The following MTM1 variants were observed in gnomAD, a reference collection of about 807,000 sequenced individuals.
MTM1 encodes myotubularin 1.
In MTM1, 9 loss-of-function variants were observed where a neutral mutation model predicts 52.1. The ratio of observed to expected loss-of-function variants is 0.17; its 90% CI spans 0.10 to 0.30. The LOEUF (loss-of-function observed/expected upper bound fraction) is 0.30. Among genes scored for constraint, MTM1 ranks in the 10% least tolerant of loss-of-function variants. MTM1 has a pLI of 1.00. For missense variants in MTM1, 277 were observed against 470.7 expected (o/e 0.59, Z 3.81); for synonymous variants, 136 against 163.8 (o/e 0.83, Z 1.29).
intron 9 of MTM1, among the ~76,000 whole-genome samples, chrX:150,647,066 T>C (rs1456958943): frequency 1.8e-5 from 2 of 110,530 alleles, no homozygotes; most frequent in East Asian, 5.6e-4. Context: ...GTAAGTTAAA[T>C]TGACAAGTAA....
intron 14 of MTM1, among the ~76,000 whole-genome samples, chrX:150,668,932 G>A (rs1221360950): frequency 1.8e-5 from 2 of 110,000 alleles, no homozygotes; most frequent in East Asian, 5.7e-4. Flanking sequence ...AAAGGGTGGG[G>A]GGATACATGT....
At chrX:150,662,385 G>A (rs144775063) in intron 13 of MTM1, among the ~76,000 whole-genome samples, 6,683 of 111,402 alleles carry the variant, frequency 0.06, 163 homozygotes, top group Non-Finnish European at 0.078. Context: ...GTGCTGTGGC[G>A]CGATCACGGC....
rs1052238968 is a variant in MTM1, at chrX:150,653,758, T to C, written c.1053+3857T>C. Among the ~76,000 whole-genome samples, 5 of 112,401 alleles carry C rather than the reference T, an allele frequency of 4.4e-5. No homozygotes were observed. In the East Asian group the frequency reaches 1.1e-3, roughly 25 times the overall value. ...GCAGGGTGGAAGAAGGACTCTGTAGTGTCTGGAGCTTGTATTTCCTCTTTG... is the reference window on the plus strand; with the variant it reads ...GCAGGGTGGAAGAAGGACTCTGTAGCGTCTGGAGCTTGTATTTCCTCTTTG... On this transcript the variant is annotated intron_variant, in intron 10 of 14. Coordinates refer to ENST00000370396, the MANE Select transcript of MTM1 (RefSeq NM_000252.3).
intron 6 of MTM1, among the ~76,000 whole-genome samples, chrX:150,630,006 C>G (rs1188845136): frequency 8.9e-6 from 1 of 112,510 alleles, no homozygotes; most frequent in East Asian, 2.8e-4. Flanking sequence ...GATCTTCATT[C>G]CATGTACTAC....
chrX:150,598,822 G>A, intron 4 of MTM1, 136 bp downstream of exon 4: 1 of 462,378 alleles, frequency 2.2e-6, no homozygotes, highest in South Asian at 3.5e-5. Context: ...TTAATTTTTT[G>A]CTTATGCAAA....
At chrX:150,614,809 T>C in intron 5 of MTM1, 110 bp downstream of exon 5, 1 of 489,191 alleles carries the variant, frequency 2.0e-6, no homozygotes. Flanking sequence ...CATGTTCATC[T>C]AAGGCCCTGG....
Position 150,659,726 on chromosome X carries a change from T to C in MTM1, c.1323T>C (p.Phe441=), listed in dbSNP as rs782310799. Residue 441 remains phenylalanine (F), a synonymous_variant, in exon 12 of 15, where the codon TTT becomes TTC. Transcript: ENST00000370396. Reference sequence around the variant, plus strand: ...ACCGTTCTCCTATTTTTCTCCAGTTTATTGATTGTGTGTGGCAAATGTCAA... The same window carrying C: ...ACCGTTCTCCTATTTTTCTCCAGTTCATTGATTGTGTGTGGCAAATGTCAA... ...DADRSPIFLQ[F]IDCVWQMSKQ... 1 of 1,208,668 alleles carries C rather than the reference T, an allele frequency of 8.3e-7. No individual in the cohort carries two copies. The highest frequency in any genetic ancestry group is 1.8e-5 in the South Asian group (1 of 56,816).
At chrX:150,651,989 G>A (rs1476777880) in intron 10 of MTM1, among the ~76,000 whole-genome samples, 1 of 110,949 alleles carries the variant, frequency 9.0e-6, no homozygotes, top group African/African-American at 3.3e-5. Flanking sequence ...TAGTGATGTG[G>A]TGGGTGTGAG....
chrX:150,606,801 TCCTTCCTTCCCTC>T (rs1476467121), intron 4 of MTM1, among the ~76,000 whole-genome samples: 1 of 106,400 alleles, frequency 9.4e-6, no homozygotes, highest in Non-Finnish European at 1.9e-5. Flanking sequence ...TTCCTTCCCT[TCCTTCCTTCCCTC>T]CCTTCCCTCT....
intron 6 of MTM1, among the ~76,000 whole-genome samples, chrX:150,627,494 A>C: frequency 9.0e-6 from 1 of 111,203 alleles, no homozygotes; most frequent in East Asian, 2.8e-4. Flanking sequence ...TTAATTATAA[A>C]AGTTCTATTT....
chrX:150,567,787 C>CA (rs2038282955), upstream of MTM1, among the ~76,000 whole-genome samples: 1 of 112,155 alleles, frequency 8.9e-6, no homozygotes, highest in Non-Finnish European at 1.9e-5. Flanking sequence ...CTCCTGACCT[C>CA]AGGTGATCCG....
At chrX:150,605,738 T>G (rs1408355793) in intron 4 of MTM1, among the ~76,000 whole-genome samples, 5 of 112,094 alleles carry the variant, frequency 4.5e-5, no homozygotes, top group Non-Finnish European at 9.4e-5. Flanking sequence ...CTCAAATACC[T>G]GGTTATGAAA....
At chrX:150,659,605 A>G (rs2040185163) in intron 11 of MTM1, 59 bp from the exon 12 acceptor site, 1 of 970,790 alleles carries the variant, frequency 1.0e-6, no homozygotes, top group Admixed American at 2.2e-5. Context: ...TTTGTGTTAT[A>G]TGCTTTCTCA....
rs1037173138 is a variant in MTM1 at position 150,596,412 on chromosome X, A to G, written c.64-86A>G. ...CTAATGCTTTTTCTTTAAAAAACAT[A>G]TTTCTAGTGGCTTGTATTCCTAGTT... On this transcript the variant is annotated intron_variant, in intron 2 of 14. Transcript: ENST00000370396. 35 of 748,885 alleles carry G rather than the reference A, an allele frequency of 4.7e-5. 1 individual carries two copies. Among genetic ancestry groups the G allele is most frequent in the African/African-American group, 2.7e-4 (13 of 48,605 alleles). The allele number at this position is 748,885 out of a possible 1,213,427, so 61.7% of individuals were successfully genotyped here.
chrX:150,593,914 C>T (rs145177233), intron 2 of MTM1, among the ~76,000 whole-genome samples: 1,777 of 108,124 alleles, frequency 0.016, 34 homozygotes, highest in African/African-American at 0.057. Context: ...TGCAGTGAGC[C>T]GAGATCTCAC....
At chrX:150,661,750 G>A (rs1200696782) in intron 13 of MTM1, among the ~76,000 whole-genome samples, 2 of 111,749 alleles carry the variant, frequency 1.8e-5, no homozygotes, top group East Asian at 5.6e-4. Context: ...TAGTAACAGA[G>A]AGTAGAAGGG....
At chrX:150,626,431 A>G (rs964526232) in intron 6 of MTM1, among the ~76,000 whole-genome samples, 1 of 110,882 alleles carries the variant, frequency 9.0e-6, no homozygotes, top group Non-Finnish European at 1.9e-5. Flanking sequence ...CTCCTGCCTC[A>G]GCCTCCTGAG....
chrX:150,652,658 TACACACACAC>T lies in MTM1; in HGVS notation c.1053+2785_1053+2794del, dbSNP rs377592464. Among the ~76,000 whole-genome samples the T allele has an allele frequency of 9.9e-3, 814 of 82,466 alleles. 5 individuals are homozygous for T. The highest frequency in any genetic ancestry group is 0.032 in the African/African-American group (772 of 23,871). 71.6% of individuals were successfully genotyped at this position (82,466 alleles called of 115,157 possible). A position where few individuals can be genotyped will look rare whatever the true frequency, so the allele number is the denominator to read the frequency against. ...ATACGTGTGTGTGTGTATATATATATACACACACACACACACACACACACACACACACACA... is the reference window on the plus strand; with the variant it reads ...ATACGTGTGTGTGTGTATATATATATACACACACACACACACACACACACA... On this transcript the variant is annotated intron_variant, in intron 10 of 14. Coordinates refer to ENST00000370396, the MANE Select transcript of MTM1 (RefSeq NM_000252.3).
chrX:150,659,021 T>C (rs2040175526), intron 11 of MTM1, among the ~76,000 whole-genome samples: 1 of 111,167 alleles, frequency 9.0e-6, no homozygotes, highest in Admixed American at 9.5e-5. Flanking sequence ...GCCCAGCTAA[T>C]TTTTTGTATT....
Sources: gnomAD v4.1 joint callset for allele counts (sites outside exome capture counted in the v4.1 genomes callset) on GRCh38, gnomAD v4.1.1 for gene constraint, MANE v1.5 for transcripts, NCBI Gene and HGNC (gene_info 2026-07-23, HGNC 2026-07-21) for gene names.